The following PTPRO variants were observed in gnomAD, a reference collection of about 807,000 sequenced individuals.
The protein encoded by PTPRO is protein tyrosine phosphatase receptor type O.
Under a neutral mutation model 145.2 loss-of-function variants are expected in PTPRO, and 62 were observed. The ratio of observed to expected loss-of-function variants is 0.43; its 90% confidence interval spans 0.35 to 0.53. PTPRO has a LOEUF of 0.53. Among genes scored for constraint, PTPRO ranks in the 20% least tolerant of loss-of-function variants. The probability of loss-of-function intolerance (pLI) is 0.01; values close to 1 mark genes in which losing one functional copy is unlikely to be tolerated. For missense variants in PTPRO, 1,345 were observed against 1,482.7 expected, an observed-to-expected ratio of 0.91 and a Z score of 1.53; for synonymous variants, 565 against 514.7, an observed-to-expected ratio of 1.10 and a Z score of -1.32.
chr12:15,508,635 A>C lies in PTPRO; in HGVS notation c.1332A>C (p.Leu444Phe). The C allele has an allele frequency of 1.2e-6, 2 of 1,614,068 alleles. No homozygotes were observed. The highest frequency in any genetic ancestry group is 8.5e-7 in the Non-Finnish European group (1 of 1,179,998). ...EKPQHVSVHV[L>F]SSTTALMSWT... is the part of the protein sequence containing the mutation. ...CGCAGCACGTGAGTGTCCACGTTTT[A>C]AGCTCAACCACTGCCTTGATGTCCT... is the stretch of plus-strand genomic sequence containing the variant. Residue 444 changes from leucine to phenylalanine, a missense_variant, in exon 7 of 27, where the codon TTA (leucine) becomes TTC (phenylalanine). Physicochemically the swap from Leu to Phe is conservative, Grantham distance 22. Transcript: ENST00000281171.
At chr12:15,504,479 G>T (rs1942281853) in intron 6 of PTPRO, among the ~76,000 whole-genome samples, 1 of 152,158 alleles carries the variant, frequency 6.6e-6, no homozygotes, top group Non-Finnish European at 1.5e-5. Flanking sequence ...GAAAGACAAA[G>T]ATTCAAGTGT....
Position 15,322,543 on chromosome 12 carries a change from G to A in PTPRO, c.-184G>A. ...GAACAGCAGCGCCTGGCACGTTCTT[G>A]GAGGACCCCGGGCGCAGAGGAGGAA... is the stretch of plus-strand genomic sequence containing the variant. On this transcript the variant is annotated 5_prime_UTR_variant, in exon 1 of 27. Coordinates refer to ENST00000281171, the MANE Select transcript of PTPRO (RefSeq NM_030667.3). The surrounding 1 kb of genome is among the most constrained non-coding windows in gnomAD (Gnocchi z 6.3). The A allele has an allele frequency of 1.5e-6, 1 of 665,450 alleles. No individual in the cohort carries two copies. The highest frequency in any genetic ancestry group is 2.7e-6 in the Non-Finnish European group (1 of 365,776). The allele number at this position is 665,450 out of a possible 1,614,324, so 41.2% of individuals were successfully genotyped here.
intron 9 of PTPRO, among the ~76,000 whole-genome samples, chr12:15,519,377 G>A (rs1942666116): frequency 6.6e-6 from 1 of 152,168 alleles, no homozygotes; most frequent in Admixed American, 6.5e-5. Context: ...CATAGGTATG[G>A]CTATTTTCAA....
chr12:15,327,109 G>A (rs1055939192), intron 1 of PTPRO, among the ~76,000 whole-genome samples: 1 of 152,028 alleles, frequency 6.6e-6, no homozygotes, highest in Admixed American at 6.6e-5. Context: ...GGAAAATATA[G>A]GAAAATTATC....
At chr12:15,350,127 G>A (rs1937751681) in intron 1 of PTPRO, among the ~76,000 whole-genome samples, 1 of 152,082 alleles carries the variant, frequency 6.6e-6, no homozygotes, top group Non-Finnish European at 1.5e-5. Context: ...TATAAATGTT[G>A]GAGAAATCTC....
intron 1 of PTPRO, among the ~76,000 whole-genome samples, chr12:15,397,735 C>T (rs1939381837): frequency 6.6e-6 from 1 of 152,130 alleles, no homozygotes; most frequent in East Asian, 1.9e-4. Context: ...AAGTTTCAGC[C>T]TTTGTGGATC....
chr12:15,388,882 A>T (rs1187055227), intron 1 of PTPRO, among the ~76,000 whole-genome samples: 3 of 152,064 alleles, frequency 2.0e-5, no homozygotes, highest in Admixed American at 2.0e-4. Flanking sequence ...GGTTTTTTTT[A>T]AATGAAATCC....
intron 1 of PTPRO, among the ~76,000 whole-genome samples, chr12:15,468,228 C>A (rs905807426): frequency 6.6e-6 from 1 of 152,062 alleles, no homozygotes; most frequent in Non-Finnish European, 1.5e-5. Flanking sequence ...ACTTTCCACC[C>A]CCAATAGGAA....
At position 15,576,956 on chromosome 12, in the gene PTPRO, CA is replaced by C. The variant is rs1565440890; in HGVS notation, c.2830-1893del. Among the ~76,000 whole-genome samples, 4 of 152,070 alleles carry C rather than the reference CA, an allele frequency of 2.6e-5. No individual in the cohort carries two copies. The South Asian group carries it at 8.3e-4, about 32-fold the overall frequency. The stretch of plus-strand genomic sequence containing the variant: ...ATCATTTAAATAAACTTATAACTAC[CA>C]AAAGGAACTAACCTAAACATCACAC... On this transcript the variant is annotated intron_variant, in intron 19 of 26. Transcript: ENST00000281171.
intron 1 of PTPRO, among the ~76,000 whole-genome samples, chr12:15,392,928 G>A (rs1464837520): frequency 2.0e-5 from 3 of 152,044 alleles, no homozygotes; most frequent in Admixed American, 2.0e-4. Context: ...GATGCTCCCT[G>A]ATGGGCATTA....
intron 25 of PTPRO, among the ~76,000 whole-genome samples, chr12:15,591,264 G>A (rs1178535973): frequency 6.6e-6 from 1 of 151,952 alleles, no homozygotes; most frequent in African/African-American, 2.4e-5. Flanking sequence ...CCAGCTACTC[G>A]GGAGGCTGAG....
chr12:15,341,764 A>C (rs2136216816), intron 1 of PTPRO, among the ~76,000 whole-genome samples: 1 of 152,342 alleles, frequency 6.6e-6, no homozygotes, highest in Non-Finnish European at 1.5e-5. Context: ...AGGTAAGAGA[A>C]AACCAAGTAC....
chr12:15,419,924 G>C (rs1940090046), intron 1 of PTPRO, among the ~76,000 whole-genome samples: 1 of 150,774 alleles, frequency 6.6e-6, no homozygotes, highest in African/African-American at 2.5e-5. Context: ...GAGGTGGGTG[G>C]ATCACGAGGT....
chr12:15,416,735 T>TTC (rs985317782), intron 1 of PTPRO, among the ~76,000 whole-genome samples: 1 of 150,838 alleles, frequency 6.6e-6, no homozygotes, highest in African/African-American at 2.5e-5. Context: ...TTTTTTTTTT[T>TTC]TCCCCACCAA....
At chr12:15,331,582 C>T (rs1866610893) in intron 1 of PTPRO, among the ~76,000 whole-genome samples, 1 of 152,126 alleles carries the variant, frequency 6.6e-6, no homozygotes, top group African/African-American at 2.4e-5. Context: ...GCCTAGAATA[C>T]AGTGAGCACT....
chr12:15,371,715 GTAATCCCCA>G (rs1165938152), intron 1 of PTPRO, among the ~76,000 whole-genome samples: 3 of 152,014 alleles, frequency 2.0e-5, no homozygotes, highest in Non-Finnish European at 4.4e-5. Context: ...ATCTTGAATT[GTAATCCCCA>G]TAATCCCCAT....
chr12:15,371,494 A>G (rs1375030104), intron 1 of PTPRO, among the ~76,000 whole-genome samples: 2 of 152,074 alleles, frequency 1.3e-5, no homozygotes, highest in Non-Finnish European at 2.9e-5. Flanking sequence ...CGGCCTCCCA[A>G]AATGCTGGGA....
intron 1 of PTPRO, among the ~76,000 whole-genome samples, chr12:15,419,410 A>C (rs1438555479): frequency 6.6e-6 from 1 of 151,618 alleles, no homozygotes; most frequent in Non-Finnish European, 1.5e-5. Context: ...GAAGCAATTC[A>C]GATTGCTTCC....
intron 19 of PTPRO, among the ~76,000 whole-genome samples, chr12:15,574,003 A>G (rs574295975): frequency 6.6e-6 from 1 of 152,332 alleles, no homozygotes; most frequent in Admixed American, 6.5e-5. Flanking sequence ...CTGAACTTGT[A>G]CTTGTTCTGT....
Sources: allele counts gnomAD v4.1 joint callset (sites outside exome capture counted in the v4.1 genomes callset), GRCh38; gene constraint gnomAD v4.1.1; non-coding constraint Gnocchi (gnomAD v3.1); transcripts MANE v1.5; gene names NCBI Gene and HGNC (gene_info 2026-07-23, HGNC 2026-07-21).